Variants in TPRG1 observed in about 807,000 individuals in gnomAD.
The protein encoded by TPRG1 is tumor protein p63-regulated gene 1 protein.
Under a neutral mutation model 29.3 loss-of-function variants are expected in TPRG1, and 29 were observed. That is an observed-to-expected ratio of 0.99 (90% CI 0.74 to 1.35). The LOEUF (loss-of-function observed/expected upper bound fraction) is 1.35, where lower values mean the gene tolerates loss of function less well. Among genes scored for constraint, TPRG1 ranks in the 40% most tolerant of loss-of-function variants. TPRG1 has a pLI of 0.00. For synonymous variants in TPRG1, 130 were observed against 116.8 expected (o/e 1.11, Z -0.73); for missense variants, 327 against 335.0 (o/e 0.98, Z 0.19).
intron 4 of TPRG1, among the ~76,000 whole-genome samples, chr3:189,066,816 A>G (rs1432714457): frequency 6.6e-6 from 1 of 152,148 alleles, no homozygotes; most frequent in Non-Finnish European, 1.5e-5. Context: ...AGTCCTAGCT[A>G]GAGCAACAAA....
At chr3:189,286,314 C>G (rs1430933606) in intron 4 of TPRG1, among the ~76,000 whole-genome samples, 1 of 151,914 alleles carries the variant, frequency 6.6e-6, no homozygotes, top group Non-Finnish European at 1.5e-5. Flanking sequence ...TTTTTTATAT[C>G]ATATCCTTCT....
chr3:189,152,670 G>GCCATTACTATTAAAAAGTAGGATTGC (rs1726108558), intron 5 of TPRG1, among the ~76,000 whole-genome samples: 1 of 75,484 alleles, frequency 1.3e-5, no homozygotes, highest in African/African-American at 4.9e-5. Flanking sequence ...AGTAGGATTG[G>GCCATTACTATTAAAAAGTAGGATTGC]TACCCGCCAT....
At chr3:189,147,311 G>A (rs570956596) in intron 3 of TPRG1, among the ~76,000 whole-genome samples, 22 of 152,296 alleles carry the variant, frequency 1.4e-4, no homozygotes, top group African/African-American at 5.3e-4. Context: ...CTCTAGCAGT[G>A]GAGAAAGAGA....
At chr3:189,236,221 C>A (rs1256129268) in intron 3 of TPRG1, among the ~76,000 whole-genome samples, 1 of 152,114 alleles carries the variant, frequency 6.6e-6, no homozygotes, top group African/African-American at 2.4e-5. Flanking sequence ...ACTCTGTATT[C>A]CTAAAAAGAA....
At chr3:189,099,173 C>T (rs542710868), upstream of TPRG1, among the ~76,000 whole-genome samples, 1 of 152,218 alleles carries the variant, frequency 6.6e-6, no homozygotes, top group African/African-American at 2.4e-5. Context: ...CCACAAGCGG[C>T]GCTCCCCTAC....
intron 5 of TPRG1, among the ~76,000 whole-genome samples, chr3:189,311,885 A>C (rs549621445): frequency 4.6e-5 from 7 of 152,182 alleles, no homozygotes; most frequent in Non-Finnish European, 7.3e-5. Context: ...GAAGGCAAGA[A>C]TATGAGAACA....
rs2108749293 is a variant in TPRG1, at chr3:189,193,292, T to C, written c.-9-14084T>C. Among the ~76,000 whole-genome samples the C allele has an allele frequency of 1.3e-5, 2 of 152,142 alleles. 1 individual carries two copies. Among genetic ancestry groups the C allele is most frequent in the South Asian group, 4.2e-4 (2 of 4,818 alleles). ...CTGGGACTATATGTGCATGATACCA[T>C]GTCCAACTAATTTTTAATATTTTGT... On this transcript the variant is annotated intron_variant, in intron 1 of 5. Transcript: ENST00000345063.
chr3:189,119,686 C>T (rs984912480), intron 1 of TPRG1, among the ~76,000 whole-genome samples: 8 of 152,194 alleles, frequency 5.3e-5, no homozygotes, highest in Admixed American at 1.3e-4. Flanking sequence ...TCCCTGTTTG[C>T]TCAGCACTTC....
At chr3:189,266,861 C>T (rs1366568656) in intron 4 of TPRG1, among the ~76,000 whole-genome samples, 5 of 151,348 alleles carry the variant, frequency 3.3e-5, no homozygotes, top group Admixed American at 6.6e-5. Context: ...ATATAGTTAC[C>T]GTCATTATGC....
chr3:189,051,349 T>C (rs1011410135), intron 4 of TPRG1, among the ~76,000 whole-genome samples: 5 of 151,392 alleles, frequency 3.3e-5, no homozygotes, highest in Non-Finnish European at 1.5e-5. Context: ...GCAAAACAAA[T>C]AAACAAACAA....
chr3:189,140,727 C>T (rs564138622), intron 3 of TPRG1, among the ~76,000 whole-genome samples: 1 of 152,178 alleles, frequency 6.6e-6, no homozygotes, highest in Non-Finnish European at 1.5e-5. Flanking sequence ...AATTCGGTGG[C>T]AGTCCTTCAG....
At chr3:189,278,587 T>C (rs1716565624) in intron 4 of TPRG1, among the ~76,000 whole-genome samples, 1 of 152,206 alleles carries the variant, frequency 6.6e-6, no homozygotes, top group African/African-American at 2.4e-5. Flanking sequence ...AAAAAGGTAC[T>C]TAGGACTTAG....
intron 2 of TPRG1, among the ~76,000 whole-genome samples, chr3:189,213,542 A>G (rs564922726): frequency 1.2e-4 from 19 of 152,342 alleles, no homozygotes; most frequent in African/African-American, 4.6e-4. Flanking sequence ...ATAGAACTCC[A>G]GAGGCTACCA....
chr3:189,276,511 TG>T (rs1453249111), intron 4 of TPRG1, among the ~76,000 whole-genome samples: 1 of 152,182 alleles, frequency 6.6e-6, no homozygotes, highest in Non-Finnish European at 1.5e-5. Context: ...CAAAAATTCT[TG>T]GGCTCTGATG....
chr3:189,168,626 T>A (rs967109049), upstream of TPRG1, among the ~76,000 whole-genome samples: 3 of 152,186 alleles, frequency 2.0e-5, no homozygotes, highest in African/African-American at 7.2e-5. Flanking sequence ...AGGGCGGTAC[T>A]AGTGACGTGT....
At chr3:189,064,464 T>C (rs1716307368) in intron 4 of TPRG1, among the ~76,000 whole-genome samples, 2 of 152,072 alleles carry the variant, frequency 1.3e-5, no homozygotes, top group South Asian at 2.1e-4. Flanking sequence ...TCTAAATTTC[T>C]TTCACAAAAG....
intron 1 of TPRG1, among the ~76,000 whole-genome samples, chr3:189,124,616 A>T (rs1288607918): frequency 6.6e-6 from 1 of 151,876 alleles, no homozygotes; most frequent in Non-Finnish European, 1.5e-5. Context: ...TTTCTTCATT[A>T]ACTCATTTAA....
chr3:189,149,380 T>G (rs950753395), intron 4 of TPRG1, among the ~76,000 whole-genome samples: 1 of 152,206 alleles, frequency 6.6e-6, no homozygotes, highest in South Asian at 2.1e-4. Context: ...AAGTTGTTGC[T>G]TTCATTCCAA....
At chr3:189,271,359 T>A (rs1421075396) in intron 4 of TPRG1, among the ~76,000 whole-genome samples, 2 of 152,190 alleles carry the variant, frequency 1.3e-5, no homozygotes, top group Admixed American at 1.3e-4. Context: ...CCTGCCTGTG[T>A]TTATGATGAT....
Sources: allele counts gnomAD v4.1 joint callset (sites outside exome capture counted in the v4.1 genomes callset), GRCh38; gene constraint gnomAD v4.1.1; transcripts MANE v1.5; gene names NCBI Gene and HGNC (gene_info 2026-07-23, HGNC 2026-07-21).